CCDC33: variants seen among roughly 807,000 people sequenced by gnomAD.
CCDC33 encodes the protein coiled-coil domain containing 33, also known as coiled-coil domain-containing protein 33.
CCDC33 carries 94 observed loss-of-function variants against 91.9 expected under a neutral mutation model. That is an observed-to-expected ratio of 1.02 (90% CI 0.87 to 1.21). CCDC33 has a LOEUF of 1.21. Ranked by LOEUF, CCDC33 falls within the 50% of genes most tolerant of loss-of-function variation. The pLI is 0.00. For synonymous variants in CCDC33, 396 were observed against 374.5 expected (o/e 1.06, Z -0.66); for missense variants, 940 against 935.5 (o/e 1.00, Z -0.06).
chr15:74,260,641 G>A (rs982816298), intron 2 of CCDC33, among the ~76,000 whole-genome samples: 13 of 152,140 alleles, frequency 8.5e-5, no homozygotes, highest in Non-Finnish European at 7.4e-5. Context: ...AGATGATCTC[G>A]CCAGGATAAA....
upstream of CCDC33, among the ~76,000 whole-genome samples, chr15:74,235,066 A>G (rs894711951): frequency 1.3e-5 from 2 of 152,208 alleles, no homozygotes; most frequent in Middle Eastern, 3.4e-3. Flanking sequence ...TTCCACACAT[A>G]CACACTGTGC....
At chr15:74,223,766 G>A (rs61329627) in intron 2 of CCDC33, among the ~76,000 whole-genome samples, 21 of 46,200 alleles carry the variant, frequency 4.5e-4, no homozygotes, top group South Asian at 1.9e-3. Context: ...ACACACACAC[G>A]CAAGCATGCA....
intron 11 of CCDC33, chr15:74,318,799 G>A (rs1352370304): frequency 2.0e-5 from 13 of 635,318 alleles, no homozygotes; most frequent in Middle Eastern, 2.4e-4. Flanking sequence ...GAGGACCAGG[G>A]CTTTGGCCCT....
intron 1 of CCDC33, among the ~76,000 whole-genome samples, chr15:74,203,545 A>C (rs2074176904): frequency 6.6e-6 from 1 of 152,240 alleles, no homozygotes; most frequent in South Asian, 2.1e-4. Flanking sequence ...ATACCCTACA[A>C]GGGGCTTCGG....
chr15:74,282,611 T>A (rs1235622025), intron 10 of CCDC33, among the ~76,000 whole-genome samples: 1 of 152,216 alleles, frequency 6.6e-6, no homozygotes, highest in African/African-American at 2.4e-5. Flanking sequence ...AACGGTGCCA[T>A]GTAACAAACA....
intron 11 of CCDC33, among the ~76,000 whole-genome samples, chr15:74,326,384 C>G (rs1256226698): frequency 6.6e-6 from 1 of 152,238 alleles, no homozygotes; most frequent in East Asian, 1.9e-4. Flanking sequence ...TGCCAGGCAC[C>G]CTGTGTGCCA....
At chr15:74,280,215 G>T in intron 8 of CCDC33, 123 bp downstream of exon 8, 1 of 1,230,684 alleles carries the variant, frequency 8.1e-7, no homozygotes, top group Non-Finnish European at 1.1e-6. Context: ...GTGTCCAGGC[G>T]GCTTCCTAAT....
chr15:74,275,795 G>A (rs763961879), intron 7 of CCDC33, among the ~76,000 whole-genome samples: 2 of 151,996 alleles, frequency 1.3e-5, no homozygotes, highest in East Asian at 3.9e-4. Flanking sequence ...TCAGCCTCCC[G>A]AGTATCTGGG....
chr15:74,293,945 T>G (rs901700351), intron 10 of CCDC33, among the ~76,000 whole-genome samples: 5 of 152,234 alleles, frequency 3.3e-5, no homozygotes, highest in Non-Finnish European at 7.3e-5. Context: ...CATTAATGAA[T>G]TTCTGCACAG....
chr15:74,219,008 G>A (rs1426284823), intron 2 of CCDC33: 5 of 833,468 alleles, frequency 6.0e-6, no homozygotes, highest in South Asian at 1.9e-5. Context: ...TCTGAGGAAC[G>A]TGCAGTCTGA....
chr15:74,332,558 T>C (rs1161875304), intron 15 of CCDC33, 121 bp from the exon 16 acceptor site: 10 of 1,040,492 alleles, frequency 9.6e-6, no homozygotes, highest in African/African-American at 3.2e-5. Flanking sequence ...TAGGGAGCCA[T>C]TGAAGGCTTG....
At chr15:74,251,563 G>A (rs140994538) in intron 2 of CCDC33, among the ~76,000 whole-genome samples, 12 of 152,374 alleles carry the variant, frequency 7.9e-5, no homozygotes, top group Non-Finnish European at 1.8e-4. Flanking sequence ...AGTGGGGACA[G>A]AGCCAGGACT....
intron 11 of CCDC33, among the ~76,000 whole-genome samples, chr15:74,297,910 C>G (rs938017117): frequency 9.9e-5 from 15 of 152,192 alleles, no homozygotes; most frequent in African/African-American, 2.7e-4. Context: ...CCACCTTCCC[C>G]CAAGGATGCA....
chr15:74,305,017 A>C lies in CCDC33; in HGVS notation c.1290+9069A>C, dbSNP rs796289340. Among the ~76,000 whole-genome samples the C allele has an allele frequency of 7.7e-4, 116 of 151,396 alleles. 1 individual carries two copies. Among genetic ancestry groups the C allele is most frequent in the African/African-American group, 2.6e-3 (108 of 41,238 alleles). ...GGAGTAGTGCAATGGCGTGATCTCAACTCACTGCAACCTCCGCCTCCCAGG... is the reference window on the plus strand; with the variant it reads ...GGAGTAGTGCAATGGCGTGATCTCACCTCACTGCAACCTCCGCCTCCCAGG... On this transcript the variant is annotated intron_variant, in intron 11 of 18. Transcript: ENST00000398814.
intron 10 of CCDC33, among the ~76,000 whole-genome samples, chr15:74,287,732 T>C (rs28393628): frequency 3.3e-5 from 5 of 151,498 alleles, no homozygotes; most frequent in Non-Finnish European, 5.9e-5. Flanking sequence ...GAGGTTGCAG[T>C]GAGCCGAGAT....
At chr15:74,330,821 GGGA>G (rs1201252976) in intron 13 of CCDC33, 70 bp downstream of exon 13, 2 of 1,512,442 alleles carry the variant, frequency 1.3e-6, no homozygotes, top group East Asian at 2.3e-5. Flanking sequence ...AGAAGAGTCT[GGGA>G]GGAGAAGGGA....
chr15:74,232,699 G>A (rs929671513), upstream of CCDC33, among the ~76,000 whole-genome samples: 3 of 152,204 alleles, frequency 2.0e-5, no homozygotes, highest in Non-Finnish European at 4.4e-5. Context: ...CTGAGCTTTG[G>A]TTCCCGTCCT....
intron 1 of CCDC33, among the ~76,000 whole-genome samples, chr15:74,241,558 G>T (rs2075349368): frequency 6.6e-6 from 1 of 152,236 alleles, no homozygotes; most frequent in South Asian, 2.1e-4. Context: ...GGGCCCCACG[G>T]GCCATTGCAA....
In CCDC33 at chr15:74,271,764, C is replaced by A. The variant is rs2142432964; in HGVS notation, c.608C>A (p.Ala203Asp). 6 of 1,613,880 alleles carry A rather than the reference C, an allele frequency of 3.7e-6. No homozygotes were observed. Among genetic ancestry groups the A allele is most frequent in the Middle Eastern group, 3.3e-4 (2 of 6,058 alleles). ...ANNPNPIVVIARVVPNYKEFK... is the reference protein window; with the variant it reads ...ANNPNPIVVIDRVVPNYKEFK... ...AACCCCAACCCCATAGTGGTGATTGCCCGGGTCGTTCCCAACTACAAGGAA... is the reference window on the plus strand; with the variant it reads ...AACCCCAACCCCATAGTGGTGATTGACCGGGTCGTTCCCAACTACAAGGAA... Residue 203 changes from alanine (A) to aspartate (D), a missense_variant, in exon 6 of 19, where the codon GCC (alanine) becomes GAC (aspartate). Physicochemically the swap from Ala to Asp is moderately radical, Grantham distance 126. Transcript: ENST00000398814.
Sources: gnomAD v4.1 joint callset for allele counts (sites outside exome capture counted in the v4.1 genomes callset) on GRCh38, gnomAD v4.1.1 for gene constraint, MANE v1.5 for transcripts, NCBI Gene and HGNC (gene_info 2026-07-23, HGNC 2026-07-21) for gene names.